Variants in SLC2A9 observed in about 807,000 individuals in gnomAD.
SLC2A9 encodes the protein solute carrier family 2 member 9.
SLC2A9 carries 39 observed loss-of-function variants against 50.6 expected under a neutral mutation model. The ratio of observed to expected loss-of-function variants is 0.77; its 90% confidence interval spans 0.60 to 1.01. The LOEUF (loss-of-function observed/expected upper bound fraction) is 1.01. SLC2A9 is among the 50% of genes least tolerant of loss of function. The probability of loss-of-function intolerance (pLI) is 0.00; values close to 1 mark genes in which losing one functional copy is unlikely to be tolerated. For missense variants in SLC2A9, 686 were observed against 677.6 expected (o/e 1.01, Z -0.14); for synonymous variants, 324 against 276.9 (o/e 1.17, Z -1.69).
At chr4:10,024,615 T>C (rs1265216292), upstream of SLC2A9, among the ~76,000 whole-genome samples, 1 of 152,194 alleles carries the variant, frequency 6.6e-6, no homozygotes, top group Admixed American at 6.5e-5. Flanking sequence ...GCCCAGTCTA[T>C]GGGACTTTGT....
At chr4:9,842,270 GT>G (rs1341321444) in intron 10 of SLC2A9, among the ~76,000 whole-genome samples, 1 of 152,148 alleles carries the variant, frequency 6.6e-6, no homozygotes, top group Non-Finnish European at 1.5e-5. Flanking sequence ...GGTATTTCTT[GT>G]GGTAGGTGTG....
chr4:10,018,549 T>TAGATAGATAGAC (rs1553915032), intron 2 of SLC2A9, among the ~76,000 whole-genome samples: 1 of 110,664 alleles, frequency 9.0e-6, no homozygotes, highest in African/African-American at 3.4e-5. Flanking sequence ...TCAAAGATGA[T>TAGATAGATAGAC]AGATAGATAG....
intron 10 of SLC2A9, among the ~76,000 whole-genome samples, chr4:9,851,616 T>C (rs561749202): frequency 6.6e-6 from 1 of 152,176 alleles, no homozygotes; most frequent in East Asian, 1.9e-4. Flanking sequence ...AGAATATGGA[T>C]AGGAATGAAG....
intron 10 of SLC2A9, chr4:9,879,168 T>C: frequency 1.2e-5 from 8 of 671,748 alleles, no homozygotes; most frequent in Non-Finnish European, 1.4e-5. Flanking sequence ...GGGGTGGGGG[T>C]GGGGATACAC....
intron 3 of SLC2A9, among the ~76,000 whole-genome samples, chr4:9,793,500 T>C (rs1720221181): frequency 6.6e-6 from 1 of 152,236 alleles, no homozygotes; most frequent in Non-Finnish European, 1.5e-5. Flanking sequence ...ATGACATTTA[T>C]GCTTTCACAA....
chr4:9,917,794 C>G (rs778900820), intron 7 of SLC2A9, among the ~76,000 whole-genome samples: 12 of 152,212 alleles, frequency 7.9e-5, no homozygotes, highest in Admixed American at 1.3e-4. Context: ...TTGGTTGTCA[C>G]AGCTGGTGGG....
chr4:9,892,937 C>T (rs1016402375), intron 8 of SLC2A9, among the ~76,000 whole-genome samples: 1 of 152,198 alleles, frequency 6.6e-6, no homozygotes, highest in Admixed American at 6.5e-5. Context: ...TTTCATGCAG[C>T]AACTCATTTA....
intron 2 of SLC2A9, among the ~76,000 whole-genome samples, chr4:10,004,351 C>T (rs2109359676): frequency 6.6e-6 from 1 of 152,272 alleles, no homozygotes; most frequent in East Asian, 1.9e-4. Context: ...TACTGCCAGG[C>T]CACCTTACCC....
At chr4:9,827,198 T>C (rs1164437322) in intron 11 of SLC2A9, among the ~76,000 whole-genome samples, 1 of 152,240 alleles carries the variant, frequency 6.6e-6, no homozygotes, top group Non-Finnish European at 1.5e-5. Flanking sequence ...AGAATAACCC[T>C]GCCAACTGCA....
At chr4:10,025,847 AC>A, upstream of SLC2A9, 1 of 1,532,278 alleles carries the variant, frequency 6.5e-7, no homozygotes, top group Non-Finnish European at 9.0e-7. Context: ...AAGGGGTACT[AC>A]CCCCTGGGTG....
At chr4:9,902,079 A>G (rs1577791279) in intron 8 of SLC2A9, among the ~76,000 whole-genome samples, 1 of 152,266 alleles carries the variant, frequency 6.6e-6, no homozygotes, top group East Asian at 1.9e-4. Flanking sequence ...TTTTTCTTTC[A>G]GCAGCTTCTT....
intron 3 of SLC2A9, among the ~76,000 whole-genome samples, chr4:9,780,828 C>T (rs1196982657): frequency 6.6e-6 from 1 of 152,088 alleles, no homozygotes. Flanking sequence ...CCGTCAGTTC[C>T]TTTTCTGTTA....
chr4:9,771,816 G>T (rs1314915178), intron 1 of SLC2A9, among the ~76,000 whole-genome samples: 1 of 152,136 alleles, frequency 6.6e-6, no homozygotes, highest in Non-Finnish European at 1.5e-5. Flanking sequence ...AAATGTGAGT[G>T]GGCACTCACC....
chr4:10,021,265 G>C lies in SLC2A9; in HGVS notation c.150+15C>G, dbSNP rs771207753. 21 of 1,612,552 alleles carry C rather than the reference G, an allele frequency of 1.3e-5. No homozygotes were observed. The highest frequency in any genetic ancestry group is 1.6e-5 in the Non-Finnish European group (19 of 1,179,802). On this transcript the variant is annotated intron_variant, in intron 1 of 11. Coordinates refer to ENST00000264784, the MANE Select transcript of SLC2A9 (RefSeq NM_020041.3). Reference sequence around the variant, plus strand: ...CACAGCCCGCCAGCCATGCAGAAAAGCTGTCCGTAGTTACCTTTCTTCTCC... The same window carrying C: ...CACAGCCCGCCAGCCATGCAGAAAACCTGTCCGTAGTTACCTTTCTTCTCC...
chr4:9,983,461 C>T (rs183270406), intron 4 of SLC2A9, among the ~76,000 whole-genome samples: 1 of 152,334 alleles, frequency 6.6e-6, no homozygotes, highest in Admixed American at 6.5e-5. Context: ...GAACTTTATG[C>T]AAGGCAGCCC....
chr4:10,034,090 C>T (rs533402268), intron 1 of SLC2A9: 3 of 152,414 alleles, frequency 2.0e-5, no homozygotes, highest in South Asian at 2.1e-4. Flanking sequence ...CAGAACGTCC[C>T]GTGCTGGATC....
At chr4:9,928,033 T>C (rs1304662552) in intron 6 of SLC2A9, among the ~76,000 whole-genome samples, 3 of 152,190 alleles carry the variant, frequency 2.0e-5, no homozygotes, top group African/African-American at 4.8e-5. Flanking sequence ...ACTAATCTTT[T>C]TGGGAGGCTG....
At chr4:9,880,921 G>A (rs1735092699) in intron 10 of SLC2A9, among the ~76,000 whole-genome samples, 1 of 152,172 alleles carries the variant, frequency 6.6e-6, no homozygotes, top group South Asian at 2.1e-4. Context: ...GGTCTGCCCT[G>A]TGAAATTCAT....
chr4:9,799,692 A>ACCCACCCCCCCCCCCCCCCC (rs59100769), intron 3 of SLC2A9, among the ~76,000 whole-genome samples: 1 of 69,810 alleles, frequency 1.4e-5, no homozygotes, highest in African/African-American at 5.7e-5. Flanking sequence ...TTCCAATTGT[A>ACCCACCCCCCCCCCCCCCCC]CCCCCCCCCC....
Sources: gnomAD v4.1 joint callset for allele counts (sites outside exome capture counted in the v4.1 genomes callset) on GRCh38, gnomAD v4.1.1 for gene constraint, MANE v1.5 for transcripts, NCBI Gene and HGNC (gene_info 2026-07-23, HGNC 2026-07-21) for gene names.